UNC13B: variants seen among roughly 807,000 people sequenced by gnomAD.
UNC13B encodes protein unc-13 homolog B.
A neutral mutation model predicts 211.0 loss-of-function variants in UNC13B; 144 were observed. The ratio of observed to expected loss-of-function variants is 0.68; its 90% confidence interval spans 0.60 to 0.78. UNC13B has a LOEUF of 0.78. Ranked by LOEUF, UNC13B falls within the 30% of genes least tolerant of loss-of-function variation. UNC13B has a pLI of 0.00. For synonymous variants in UNC13B, 709 were observed against 725.8 expected (o/e 0.98, Z 0.37); for missense variants, 1,777 against 2,002.0 (o/e 0.89, Z 2.14).
rs748596755 is a variant in UNC13B, at chr9:35,377,455, T to C, written c.9836-13T>C. The C allele has an allele frequency of 5.0e-6, 8 of 1,613,862 alleles. No individual in the cohort carries two copies. The highest frequency in any genetic ancestry group is 5.9e-6 in the Non-Finnish European group (7 of 1,179,870). On this transcript the variant is annotated splice_polypyrimidine_tract_variant and intron_variant, in intron 15 of 39. Coordinates refer to ENST00000635942, the MANE Select transcript of UNC13B (RefSeq NM_001371189.2). ...TCTGGTAGGTGACCTGTTGTGTTCC[T>C]GGCCACCTTCAGGGGCTGCAGAAAA...
rs959334714 is a variant in UNC13B, at chr9:35,177,070, A to G, written c.22+14765A>G. On this transcript the variant is annotated intron_variant, in intron 1 of 39. Coordinates refer to ENST00000635942, the MANE Select transcript of UNC13B (RefSeq NM_001371189.2). ...CTCCCAAAGTGCTAGGATTACAGGC[A>G]TGAGCCACAGCGCAGCCTGGCCAAC... Among the ~76,000 whole-genome samples, 3 of 152,256 alleles carry G rather than the reference A, an allele frequency of 2.0e-5. No homozygotes were observed. The South Asian group carries it at 6.2e-4, about 32-fold the overall frequency.
rs558483941 is a variant in UNC13B, at chr9:35,191,241, C to T, written c.22+28936C>T. 4.9e-4 allele frequency among the ~76,000 whole-genome samples: 74 copies of T among 152,256 alleles called. 2 individuals are homozygous for T. The highest frequency in any genetic ancestry group is 2.4e-3 in the Admixed American group (37 of 15,292). ...TGCAGGGATTACAAGCGTGAGCCAC[C>T]GTGCCCTGCCAGGTATCAGGTATTT... On this transcript the variant is annotated intron_variant, in intron 1 of 39. Coordinates refer to ENST00000635942, the MANE Select transcript of UNC13B (RefSeq NM_001371189.2).
In UNC13B at chr9:35,308,229, C is replaced by T; in HGVS notation, c.8825C>T (p.Ala2942Val). 5.0e-6 allele frequency: 2 copies of T among 399,422 alleles called. No individual in the cohort carries two copies. Among genetic ancestry groups the T allele is most frequent in the Non-Finnish European group, 8.8e-6 (2 of 226,416 alleles). The allele number at this position is 399,422 out of a possible 1,614,324, so 24.7% of individuals were successfully genotyped here. ...TCTGGAGAACACTGGGATACCAAAG[C>T]CAACCTGTCTAGCCCCGCCTGTCCT... The part of the protein sequence containing the change: ...SASGEHWDTK[A>V]NLSSPACPSG... The change falls in exon 9 of 40, where the codon GCC (alanine) becomes GTC (valine). Residue 2942 changes from alanine (A) to valine (V), a missense_variant. By Grantham distance (64) the Ala-to-Val change is moderately conservative. Coordinates refer to ENST00000635942, the MANE Select transcript of UNC13B (RefSeq NM_001371189.2).
intron 1 of UNC13B, among the ~76,000 whole-genome samples, chr9:35,177,728 A>G (rs956454348): frequency 6.6e-6 from 1 of 152,232 alleles, no homozygotes; most frequent in African/African-American, 2.4e-5. Context: ...TGGGTATATA[A>G]AAATGAGGAA....
intron 1 of UNC13B, among the ~76,000 whole-genome samples, chr9:35,178,810 C>T (rs886692791): frequency 6.7e-6 from 1 of 149,498 alleles, no homozygotes; most frequent in African/African-American, 2.5e-5. Context: ...ATTGCTTGAC[C>T]TTGGGAGGCG....
At position 35,284,328 on chromosome 9, in the gene UNC13B, C is replaced by T. The variant is rs573721800; in HGVS notation, c.527-11368C>T. 2.6e-5 allele frequency among the ~76,000 whole-genome samples: 4 copies of T among 152,216 alleles called. No homozygotes were observed. In the South Asian group the frequency reaches 8.3e-4, roughly 32 times the overall value. On this transcript the variant is annotated intron_variant, in intron 7 of 39. Coordinates refer to ENST00000635942, the MANE Select transcript of UNC13B (RefSeq NM_001371189.2). ...TTATGATTTGTATATTTTTCTCTAT[C>T]TTATACTTCAGTAGAGCTTGCATAT...
At chr9:35,296,628 G>T (rs953663170) in intron 8 of UNC13B, among the ~76,000 whole-genome samples, 12 of 152,060 alleles carry the variant, frequency 7.9e-5, no homozygotes, top group African/African-American at 2.9e-4. Context: ...CAGACTTAAA[G>T]AAAATTTGGA....
intron 11 of UNC13B, among the ~76,000 whole-genome samples, chr9:35,349,442 A>C (rs1437392823): frequency 2.0e-5 from 3 of 151,396 alleles, no homozygotes; most frequent in African/African-American, 7.3e-5. Flanking sequence ...TAGACTTTGG[A>C]GCGTGGTCTA....
intron 1 of UNC13B, among the ~76,000 whole-genome samples, chr9:35,205,052 C>G (rs1381490627): frequency 6.6e-6 from 1 of 152,122 alleles, no homozygotes; most frequent in Admixed American, 6.5e-5. Context: ...AACACCATCC[C>G]TTGGTGCTAT....
chr9:35,397,861 T>G, intron 30 of UNC13B, 149 bp downstream of exon 30: 3 of 782,486 alleles, frequency 3.8e-6, no homozygotes, highest in Non-Finnish European at 6.1e-6. Flanking sequence ...TGCCACAAAA[T>G]TACGAGAACT....
At chr9:35,184,001 G>A (rs1413947335) in intron 1 of UNC13B, among the ~76,000 whole-genome samples, 1 of 150,520 alleles carries the variant, frequency 6.6e-6, no homozygotes, top group Admixed American at 6.6e-5. Flanking sequence ...CCCAGACGGG[G>A]CAGCCAGGCA....
intron 7 of UNC13B, among the ~76,000 whole-genome samples, chr9:35,280,613 TA>T (rs1429132445): frequency 1.3e-5 from 2 of 152,096 alleles, no homozygotes; most frequent in African/African-American, 4.8e-5. Flanking sequence ...TTACACTAGA[TA>T]TGTGGTATCA....
chr9:35,385,535 T>C (rs1462195228), intron 22 of UNC13B, 189 bp from the exon 23 acceptor site: 9 of 985,310 alleles, frequency 9.1e-6, no homozygotes, highest in African/African-American at 1.7e-5. Flanking sequence ...CCCCTGCTTT[T>C]GGCAAGAGCC....
intron 7 of UNC13B, among the ~76,000 whole-genome samples, chr9:35,264,901 A>G (rs1171481016): frequency 1.3e-5 from 2 of 152,076 alleles, no homozygotes; most frequent in African/African-American, 2.4e-5. Flanking sequence ...TGTCTAGCCT[A>G]TGTCTGCCCT....
chr9:35,280,892 T>C (rs762035648), intron 7 of UNC13B, among the ~76,000 whole-genome samples: 4 of 152,206 alleles, frequency 2.6e-5, no homozygotes, highest in African/African-American at 7.2e-5. Context: ...CAAAGTTTCA[T>C]TTGCTAGCAA....
intron 13 of UNC13B, chr9:35,371,938 T>C (rs1451986840): frequency 6.5e-6 from 1 of 152,672 alleles, no homozygotes; most frequent in African/African-American, 2.4e-5. Context: ...ACGCAGGCTA[T>C]GGTGAGTGTC....
chr9:35,229,341 G>A (rs1401502648), intron 2 of UNC13B, among the ~76,000 whole-genome samples: 3 of 152,090 alleles, frequency 2.0e-5, no homozygotes, highest in Non-Finnish European at 4.4e-5. Flanking sequence ...TGTTTTAAAG[G>A]TTATTATCTT....
chr9:35,403,190 G>A lies in UNC13B; in HGVS notation c.12508G>A (p.Gly4170Arg), dbSNP rs1836441022. 1 of 1,614,132 alleles carries A rather than the reference G, an allele frequency of 6.2e-7. No individual in the cohort carries two copies. Among genetic ancestry groups the A allele is most frequent in the East Asian group, 2.2e-5 (1 of 44,874 alleles). The change falls in exon 38 of 40, where the codon GGA becomes AGA. Residue 4170 changes from glycine (G) to arginine (R), a missense_variant. Gly to Arg is a moderately radical substitution (Grantham distance 125). Coordinates refer to ENST00000635942, the MANE Select transcript of UNC13B (RefSeq NM_001371189.2). ...TQGSGVDDPV[G>R]EVSIQVDLFT... ...AGGGTCTGGTGTGGACGATCCTGTGGGAGAAGTCTCTATTCAGGTGGACTT... is the reference window on the plus strand; with the variant it reads ...AGGGTCTGGTGTGGACGATCCTGTGAGAGAAGTCTCTATTCAGGTGGACTT...
chr9:35,236,493 T>G lies in UNC13B; in HGVS notation c.177T>G (p.Gly59=), dbSNP rs150345714. Reference sequence around the variant, plus strand: ...GTGAGATTAGTCGCCTGGACCTGGGTCTAAGTGTGGAGGTATGGAACAAAG... The same window carrying G: ...GTGAGATTAGTCGCCTGGACCTGGGGCTAAGTGTGGAGGTATGGAACAAAG... ...FMFEISRLDL[G]LSVEVWNKGL... is the part of the protein sequence containing the mutation. Residue 59 remains glycine, a synonymous_variant, in exon 4 of 40, where the codon GGT becomes GGG. Coordinates refer to ENST00000635942, the MANE Select transcript of UNC13B (RefSeq NM_001371189.2). 14 of 1,613,930 alleles carry G rather than the reference T, an allele frequency of 8.7e-6. No individual in the cohort carries two copies. In the African/African-American group the frequency reaches 1.9e-4, roughly 22 times the overall value.
Sources: gnomAD v4.1 joint callset for allele counts (sites outside exome capture counted in the v4.1 genomes callset) on GRCh38, gnomAD v4.1.1 for gene constraint, MANE v1.5 for transcripts, NCBI Gene and HGNC (gene_info 2026-07-23, HGNC 2026-07-21) for gene names.